Variants in ALPK2 observed in about 807,000 individuals in gnomAD.
The protein encoded by ALPK2 is alpha-protein kinase 2.
A neutral mutation model predicts 163.1 loss-of-function variants in ALPK2; 127 were observed. The observed-to-expected ratio is 0.78, with a 90% confidence interval of 0.67 to 0.90. The LOEUF (loss-of-function observed/expected upper bound fraction) is 0.90, where lower values mean the gene tolerates loss of function less well. ALPK2 is among the 40% of genes least tolerant of loss of function. The probability of loss-of-function intolerance (pLI) is 0.00; values close to 1 mark genes in which losing one functional copy is unlikely to be tolerated. For missense variants in ALPK2, 2,360 were observed against 2,589.6 expected, an observed-to-expected ratio of 0.91 and a Z score of 1.92; for synonymous variants, 953 against 959.1, an observed-to-expected ratio of 0.99 and a Z score of 0.12.
At chr18:58,564,185 C>G (rs563580757) in intron 4 of ALPK2, among the ~76,000 whole-genome samples, 2 of 127,326 alleles carry the variant, frequency 1.6e-5, no homozygotes, top group African/African-American at 6.2e-5. Context: ...TGCAGTGGTG[C>G]GATCTCAGCT....
intron 3 of ALPK2, among the ~76,000 whole-genome samples, chr18:58,596,074 C>T (rs2052039479): frequency 6.6e-6 from 1 of 152,188 alleles, no homozygotes; most frequent in Non-Finnish European, 1.5e-5. Context: ...GCAAGCTGCC[C>T]CCGCATGCAC....
rs113880506 is a variant in ALPK2 at position 58,550,378 on chromosome 18, C to G, written c.1963-12154G>C. On this transcript the variant is annotated intron_variant, in intron 4 of 12. Coordinates refer to ENST00000361673, the MANE Select transcript of ALPK2 (RefSeq NM_052947.4). ...ATCTCTGTCTCTATCACATACAACC[C>G]CATCCCCATCTCCATCACCTACAAC... Among the ~76,000 whole-genome samples the G allele has an allele frequency of 1.4e-3, 3 of 2,136 alleles. No individual in the cohort carries two copies. In the Admixed American group the frequency reaches 0.014, roughly 10 times the overall value. The allele number at this position is 2,136 out of a possible 152,430, so 1.4% of individuals were successfully genotyped here.
intron 10 of ALPK2, among the ~76,000 whole-genome samples, chr18:58,504,546 C>A (rs1197648847): frequency 6.6e-6 from 1 of 152,188 alleles, no homozygotes; most frequent in Non-Finnish European, 1.5e-5. Flanking sequence ...ATCCATTGAT[C>A]CTTCTTTCCT....
intron 4 of ALPK2, among the ~76,000 whole-genome samples, chr18:58,577,001 C>A (rs1271443832): frequency 6.6e-6 from 1 of 152,190 alleles, no homozygotes; most frequent in African/African-American, 2.4e-5. Context: ...CACACCACAG[C>A]GCACAGGTTG....
At chr18:58,588,764 C>T (rs191622735) in intron 3 of ALPK2, among the ~76,000 whole-genome samples, 46 of 152,308 alleles carry the variant, frequency 3.0e-4, no homozygotes, top group Middle Eastern at 3.4e-3. Flanking sequence ...AGGACATGAT[C>T]TTGTTCCTTT....
chr18:58,578,407 T>G (rs992398239), intron 4 of ALPK2: 11 of 158,916 alleles, frequency 6.9e-5, no homozygotes, highest in African/African-American at 2.4e-4. Flanking sequence ...AACAATGTTT[T>G]TTTCCCCCTT....
chr18:58,580,153 G>C lies in ALPK2; in HGVS notation c.623C>G (p.Thr208Arg). ...HTGEAYDPSN[T>R]EEIANGLLFL... The stretch of plus-strand genomic sequence containing the variant: ...AAGCAACCCATTTGCAATTTCTTCT[G>C]TGTTACTTGGATCATAAGCCTCTCC... The change falls in exon 4 of 13, where the codon ACA (threonine) becomes AGA (arginine). Residue 208 changes from threonine (T) to arginine (R), a missense_variant. Physicochemically the swap from Thr to Arg is moderately conservative, Grantham distance 71. Transcript: ENST00000361673. The C allele has an allele frequency of 6.2e-7, 1 of 1,614,174 alleles. No homozygotes were observed. The highest frequency in any genetic ancestry group is 8.5e-7 in the Non-Finnish European group (1 of 1,180,022).
In ALPK2 at chr18:58,529,203, A is replaced by C. The variant is rs1447948872; in HGVS notation, c.5389T>G (p.Phe1797Val). 1.7e-5 allele frequency: 27 copies of C among 1,613,462 alleles called. No homozygotes were observed. The highest frequency in any genetic ancestry group is 2.3e-5 in the Non-Finnish European group (27 of 1,179,804). The part of the protein sequence containing the change: ...VLLKKIQAEM[F>V]PEHSGNVKLS... ...TTTACATTTCCAGAGTGTTCAGGGAACATCTCAGCTTGGATCTTTTTCAGT... is the reference window on the plus strand; with the variant it reads ...TTTACATTTCCAGAGTGTTCAGGGACCATCTCAGCTTGGATCTTTTTCAGT... Residue 1797 changes from phenylalanine to valine, a missense_variant, in exon 6 of 13, where the codon TTC becomes GTC. By Grantham distance (50) the Phe-to-Val change is conservative. Transcript: ENST00000361673.
intron 10 of ALPK2, among the ~76,000 whole-genome samples, chr18:58,507,793 T>C (rs574642156): frequency 6.6e-6 from 1 of 152,326 alleles, no homozygotes; most frequent in East Asian, 1.9e-4. Context: ...AAAGTAACTT[T>C]GGGAGGAATT....
intron 10 of ALPK2, among the ~76,000 whole-genome samples, chr18:58,506,639 G>C (rs2144115796): frequency 6.6e-6 from 1 of 152,298 alleles, no homozygotes; most frequent in Admixed American, 6.5e-5. Flanking sequence ...GTTGGGGAAG[G>C]TGCATGGAGA....
intron 4 of ALPK2, among the ~76,000 whole-genome samples, chr18:58,553,716 G>A (rs2051771303): frequency 6.6e-6 from 1 of 152,028 alleles, no homozygotes; most frequent in Non-Finnish European, 1.5e-5. Flanking sequence ...TGAAGAAGGT[G>A]CCTTGCTTCC....
At chr18:58,534,712 A>C (rs17065123) in intron 5 of ALPK2, 122 bp downstream of exon 5, 34,157 of 1,315,094 alleles carry the variant, frequency 0.026, 810 homozygotes, top group African/African-American at 0.11. Flanking sequence ...CCACAACCAT[A>C]GCATCAATGC....
At position 58,536,927 on chromosome 18, in the gene ALPK2, A is replaced by C; in HGVS notation, c.3260T>G (p.Leu1087Arg). Residue 1087 changes from leucine to arginine, a missense_variant, in exon 5 of 13, where the codon CTG (leucine) becomes CGG (arginine). By Grantham distance (102) the Leu-to-Arg change is moderately radical. Transcript: ENST00000361673. ...GAAACCCTCTCCCTCTGGGAGCTGC[A>C]GGACATGGTGTGGGACTCCTGGCAC... ...PSVPGVPHHV[L>R]QLPEGEGFCS... The C allele has an allele frequency of 1.2e-6, 2 of 1,614,236 alleles. No individual in the cohort carries two copies. The highest frequency in any genetic ancestry group is 1.7e-6 in the Non-Finnish European group (2 of 1,180,030).
intron 12 of ALPK2, among the ~76,000 whole-genome samples, chr18:58,495,227 T>G (rs1203066874): frequency 6.6e-6 from 1 of 152,208 alleles, no homozygotes; most frequent in Non-Finnish European, 1.5e-5. Flanking sequence ...TATATTTCTT[T>G]TGGGAAAAAG....
intron 3 of ALPK2, among the ~76,000 whole-genome samples, chr18:58,585,680 C>CTTTT (rs71173066): frequency 6.4e-5 from 5 of 77,622 alleles, no homozygotes; most frequent in Middle Eastern, 6.6e-3. Context: ...TTCTATGTTG[C>CTTTT]TTTTTTTTTT....
intron 4 of ALPK2, among the ~76,000 whole-genome samples, chr18:58,554,058 C>G (rs4940410): frequency 1 from 151,890 of 151,954 alleles, 75,913 homozygotes; most frequent in Middle Eastern, 1. Context: ...GCGGGATTTC[C>G]CCATGTTGGC....
intron 12 of ALPK2, among the ~76,000 whole-genome samples, chr18:58,485,157 C>A (rs1264144430): frequency 1.3e-5 from 2 of 152,196 alleles, no homozygotes; most frequent in African/African-American, 4.8e-5. Context: ...TGAAACCAGC[C>A]CTGCCCGGTG....
intron 4 of ALPK2, among the ~76,000 whole-genome samples, chr18:58,556,284 G>A (rs1352187195): frequency 6.6e-6 from 1 of 152,146 alleles, no homozygotes; most frequent in Non-Finnish European, 1.5e-5. Flanking sequence ...GGCCACCACT[G>A]TTATCGACAG....
chr18:58,530,822 C>T lies in ALPK2; in HGVS notation c.5354-1584G>A, dbSNP rs146028080. 1.1e-3 allele frequency among the ~76,000 whole-genome samples: 166 copies of T among 152,216 alleles called. 3 individuals are homozygous for T. The East Asian group carries it at 0.028, about 25-fold the overall frequency. ...TGCAGCTAGTTTTTTCTTCCGTGTGCAGGTTGGGCTAGTGTTGAGGGAAAA... is the reference window on the plus strand; with the variant it reads ...TGCAGCTAGTTTTTTCTTCCGTGTGTAGGTTGGGCTAGTGTTGAGGGAAAA... On this transcript the variant is annotated intron_variant, in intron 5 of 12. Coordinates refer to ENST00000361673, the MANE Select transcript of ALPK2 (RefSeq NM_052947.4).
Sources: gnomAD v4.1 joint callset for allele counts (sites outside exome capture counted in the v4.1 genomes callset) on GRCh38, gnomAD v4.1.1 for gene constraint, MANE v1.5 for transcripts, NCBI Gene and HGNC (gene_info 2026-07-23, HGNC 2026-07-21) for gene names.